The following PTPRM variants were observed in gnomAD, a reference collection of about 807,000 sequenced individuals.
The protein encoded by PTPRM is receptor-type tyrosine-protein phosphatase mu.
In PTPRM, 47 loss-of-function variants were observed where a neutral mutation model predicts 186.7. The observed-to-expected ratio is 0.25, with a 90% CI of 0.20 to 0.32. The LOEUF (loss-of-function observed/expected upper bound fraction) is 0.32, where lower values mean the gene tolerates loss of function less well. Ranked by LOEUF, PTPRM falls within the 10% of genes least tolerant of loss-of-function variation. PTPRM has a pLI of 1.00. For synonymous variants in PTPRM, 668 were observed against 674.9 expected (o/e 0.99, Z 0.16); for missense variants, 1,494 against 1,865.0 (o/e 0.80, Z 3.66).
In PTPRM at chr18:7,824,042, T is replaced by G. The variant is rs1231066832; in HGVS notation, c.196+49771T>G. On this transcript the variant is annotated intron_variant, in intron 2 of 32. Transcript: ENST00000580170. ...AAGAGCCAAAGGAGTGAGTGCCCCC[T>G]TGTCCTTCCCTCTCTAACGTGCATA... Among the ~76,000 whole-genome samples, 3 of 152,148 alleles carry G rather than the reference T, an allele frequency of 2.0e-5. No individual in the cohort carries two copies. In the East Asian group the frequency reaches 5.8e-4, roughly 29 times the overall value.
intron 1 of PTPRM, among the ~76,000 whole-genome samples, chr18:7,670,348 T>C (rs2039192300): frequency 6.6e-6 from 1 of 152,226 alleles, no homozygotes; most frequent in Non-Finnish European, 1.5e-5. Flanking sequence ...GTTATACTTT[T>C]TACTTATATA....
intron 1 of PTPRM, among the ~76,000 whole-genome samples, chr18:7,580,698 A>G (rs1272348425): frequency 6.6e-6 from 1 of 152,182 alleles, no homozygotes; most frequent in Non-Finnish European, 1.5e-5. Context: ...GAGAGAATCA[A>G]CGGAGACTTT....
chr18:8,358,497 C>A (rs150287044), intron 23 of PTPRM, among the ~76,000 whole-genome samples: 1 of 152,272 alleles, frequency 6.6e-6, no homozygotes, highest in East Asian at 1.9e-4. Context: ...TCTGCTGTTG[C>A]CAGTGTTAGA....
At chr18:7,961,927 G>A (rs1339918406) in intron 7 of PTPRM, among the ~76,000 whole-genome samples, 1 of 152,144 alleles carries the variant, frequency 6.6e-6, no homozygotes, top group Non-Finnish European at 1.5e-5. Context: ...TAAAAACTTG[G>A]AATATGTATT....
chr18:8,190,642 G>A (rs988197912), intron 14 of PTPRM, among the ~76,000 whole-genome samples: 16 of 151,968 alleles, frequency 1.1e-4, no homozygotes, highest in Non-Finnish European at 2.1e-4. Flanking sequence ...ATAAATCTAT[G>A]TTCTGTTTAT....
intron 1 of PTPRM, among the ~76,000 whole-genome samples, chr18:7,617,086 A>G (rs1005216302): frequency 6.6e-6 from 1 of 152,190 alleles, no homozygotes; most frequent in East Asian, 1.9e-4. Context: ...TCACAGCAGA[A>G]TGCCCTCTTT....
intron 11 of PTPRM, among the ~76,000 whole-genome samples, chr18:8,101,213 T>A (rs147929600): frequency 6.6e-5 from 10 of 152,182 alleles, no homozygotes; most frequent in Non-Finnish European, 1.3e-4. Context: ...AAATTCTTAT[T>A]TGCCAAGATT....
intron 1 of PTPRM, among the ~76,000 whole-genome samples, chr18:7,771,739 C>T (rs1359914222): frequency 2.0e-5 from 3 of 152,198 alleles, no homozygotes; most frequent in African/African-American, 4.8e-5. Context: ...TCCTGTTTAA[C>T]ATTGTTTATC....
chr18:7,609,604 G>A (rs912164062), intron 1 of PTPRM, among the ~76,000 whole-genome samples: 3 of 149,750 alleles, frequency 2.0e-5, no homozygotes, highest in South Asian at 2.1e-4. Context: ...TTTACTGTCC[G>A]TGGAACTGAC....
At chr18:7,672,774 G>A (rs2039247354) in intron 1 of PTPRM, among the ~76,000 whole-genome samples, 2 of 152,226 alleles carry the variant, frequency 1.3e-5, no homozygotes, top group South Asian at 4.1e-4. Context: ...GGAGGTGAGG[G>A]AGGAAAAGAG....
intron 1 of PTPRM, among the ~76,000 whole-genome samples, chr18:7,594,220 G>A (rs111857203): frequency 0.027 from 4,052 of 152,258 alleles, 171 homozygotes; most frequent in African/African-American, 0.091. Flanking sequence ...TTGTCCAGGC[G>A]TGGTGGCTCA....
chr18:7,880,035 G>A (rs2048426094), intron 2 of PTPRM, among the ~76,000 whole-genome samples: 1 of 152,080 alleles, frequency 6.6e-6, no homozygotes, highest in East Asian at 1.9e-4. Context: ...CCAAGCAGAG[G>A]GGGGAAAGCC....
intron 7 of PTPRM, 78 bp downstream of exon 7, chr18:7,955,492 C>A (rs1377652355): frequency 1.3e-6 from 2 of 1,490,900 alleles, no homozygotes; most frequent in South Asian, 1.3e-5. Context: ...TGATCAGATG[C>A]CTAGCACGCT....
chr18:8,003,463 A>G (rs796874206), intron 7 of PTPRM, among the ~76,000 whole-genome samples: 10 of 152,348 alleles, frequency 6.6e-5, no homozygotes, highest in African/African-American at 2.2e-4. Flanking sequence ...TCCCATTTCC[A>G]GTATAGACAA....
At chr18:8,273,260 G>C (rs1324399921) in intron 19 of PTPRM, among the ~76,000 whole-genome samples, 1 of 152,028 alleles carries the variant, frequency 6.6e-6, no homozygotes, top group Non-Finnish European at 1.5e-5. Flanking sequence ...TTGTTCTTAG[G>C]CTTCTCCCCC....
chr18:7,710,254 A>G (rs976248794), intron 1 of PTPRM, among the ~76,000 whole-genome samples: 26 of 152,372 alleles, frequency 1.7e-4, no homozygotes, highest in Non-Finnish European at 3.5e-4. Context: ...ATACAAGTCA[A>G]TAAATGTGAT....
intron 1 of PTPRM, among the ~76,000 whole-genome samples, chr18:7,735,889 C>A (rs7245239): frequency 0.054 from 8,101 of 150,928 alleles, 555 homozygotes; most frequent in African/African-American, 0.15. Flanking sequence ...TAAAGCTGAA[C>A]TCTTTTAACC....
chr18:7,930,585 A>G (rs2051427153), intron 5 of PTPRM, among the ~76,000 whole-genome samples: 1 of 152,026 alleles, frequency 6.6e-6, no homozygotes, highest in South Asian at 2.1e-4. Context: ...AAGTAATTCC[A>G]CTCTACTATA....
chr18:7,605,452 T>C (rs1189282863), intron 1 of PTPRM, among the ~76,000 whole-genome samples: 1 of 150,484 alleles, frequency 6.6e-6, no homozygotes, highest in Non-Finnish European at 1.5e-5. Context: ...TACCATACTT[T>C]GTAGCAAAGA....
Sources: gnomAD v4.1 joint callset for allele counts (sites outside exome capture counted in the v4.1 genomes callset) on GRCh38, gnomAD v4.1.1 for gene constraint, MANE v1.5 for transcripts, NCBI Gene and HGNC (gene_info 2026-07-23, HGNC 2026-07-21) for gene names.